DYM: variants seen among roughly 807,000 people sequenced by gnomAD.
DYM encodes the protein dyggve-Melchior-Clausen syndrome protein.
Under a neutral mutation model 93.1 loss-of-function variants are expected in DYM, and 78 were observed. The ratio of observed to expected loss-of-function variants is 0.84; its 90% CI spans 0.70 to 1.01. The LOEUF (loss-of-function observed/expected upper bound fraction) is 1.01. Ranked by LOEUF, DYM falls within the 50% of genes least tolerant of loss-of-function variation. The probability of loss-of-function intolerance (pLI) is 0.00; values close to 1 mark genes in which losing one functional copy is unlikely to be tolerated. For synonymous variants in DYM, 321 were observed against 319.7 expected, an observed-to-expected ratio of 1.00 and a Z score of -0.04; for missense variants, 789 against 845.0, an observed-to-expected ratio of 0.93 and a Z score of 0.82.
intron 10 of DYM, among the ~76,000 whole-genome samples, chr18:49,275,079 C>T (rs1402690227): frequency 6.6e-6 from 1 of 152,154 alleles, no homozygotes; most frequent in Non-Finnish European, 1.5e-5. Flanking sequence ...GATTTACCCC[C>T]ATTTCTTCTA....
chr18:49,404,086 C>A (rs1000788723), intron 2 of DYM, among the ~76,000 whole-genome samples: 1 of 152,100 alleles, frequency 6.6e-6, no homozygotes, highest in African/African-American at 2.4e-5. Context: ...CGGCTCACTG[C>A]AACCTCCGCC....
At chr18:49,331,148 G>C (rs1599477955) in intron 8 of DYM, among the ~76,000 whole-genome samples, 1 of 152,174 alleles carries the variant, frequency 6.6e-6, no homozygotes, top group African/African-American at 2.4e-5. Context: ...ACATGCTGCA[G>C]GTTTGGGAGG....
At chr18:49,326,435 G>C (rs1459954395) in intron 8 of DYM, among the ~76,000 whole-genome samples, 3 of 151,122 alleles carry the variant, frequency 2.0e-5, no homozygotes, top group African/African-American at 7.3e-5. Flanking sequence ...ACCACTTCCA[G>C]TGACTGAAGT....
At chr18:49,303,815 T>TACCAAC (rs2061100962) in intron 8 of DYM, among the ~76,000 whole-genome samples, 2 of 152,238 alleles carry the variant, frequency 1.3e-5, no homozygotes, top group Non-Finnish European at 2.9e-5. Context: ...TTAATATTAA[T>TACCAAC]TTACTAAATG....
rs1045365718 is a variant in DYM at position 49,047,180 on chromosome 18, C to T, written c.2026-2976G>A. ...GCTACCAGACTGTTATATAAATAGA[C>T]GCCAAGCTCTAGCACTACCTAGGCC... On this transcript the variant is annotated intron_variant, in intron 17 of 17. Transcript: ENST00000675505. Among the ~76,000 whole-genome samples, 7 of 152,294 alleles carry T rather than the reference C, an allele frequency of 4.6e-5. No individual in the cohort carries two copies. The South Asian group carries it at 6.2e-4, about 14-fold the overall frequency.
chr18:49,235,646 CCAGT>C (rs2093837058), intron 13 of DYM, among the ~76,000 whole-genome samples: 1 of 151,914 alleles, frequency 6.6e-6, no homozygotes, highest in Non-Finnish European at 1.5e-5. Context: ...AGTGTCTAGA[CCAGT>C]CAGGGTCAGT....
At chr18:49,233,014 T>A (rs1350463962) in intron 13 of DYM, among the ~76,000 whole-genome samples, 1 of 152,140 alleles carries the variant, frequency 6.6e-6, no homozygotes, top group African/African-American at 2.4e-5. Context: ...CAAAAATACA[T>A]GGATTGGTTA....
intron 8 of DYM, among the ~76,000 whole-genome samples, chr18:49,309,490 T>C (rs952186580): frequency 6.6e-6 from 1 of 151,740 alleles, no homozygotes; most frequent in Non-Finnish European, 1.5e-5. Context: ...AAATAATCAG[T>C]TGGGTGTTGT....
In DYM at chr18:49,139,408, G is replaced by A. The variant is rs2084211259; in HGVS notation, c.1729-20482C>T. ...TATTGACTTCTTACTCTTAAAAAAC[G>A]AGGCATTCCCTCTTCTAAATTAATT... On this transcript the variant is annotated intron_variant, in intron 15 of 17. Coordinates refer to ENST00000675505, the MANE Select transcript of DYM (RefSeq NM_001353214.3). Among the ~76,000 whole-genome samples the A allele has an allele frequency of 1.3e-5, 2 of 151,708 alleles. 1 individual carries two copies. Among genetic ancestry groups the A allele is most frequent in the South Asian group, 4.2e-4 (2 of 4,786 alleles).
chr18:49,454,781 G>A (rs113745598), intron 1 of DYM, among the ~76,000 whole-genome samples: 12,015 of 151,308 alleles, frequency 0.079, 753 homozygotes, highest in East Asian at 0.3. Context: ...TGTGGCCGGC[G>A]CCTGTAGTCC....
rs1250282067 is a variant in DYM at position 49,044,143 on chromosome 18, G to A, written c.2087C>T (p.Pro696Leu). 6.2e-7 allele frequency: 1 copy of A among 1,614,078 alleles called. No individual in the cohort carries two copies. The highest frequency in any genetic ancestry group is 1.7e-5 in the Admixed American group (1 of 60,020). Residue 696 changes from proline to leucine, a missense_variant, in exon 18 of 18, where the codon CCC (proline) becomes CTC (leucine). Pro to Leu is a moderately conservative substitution (Grantham distance 98, BLOSUM62 -3). This residue lies in a region of DYM where 114 missense variants were observed against 105.8 expected (regional missense o/e 1.08). Transcript: ENST00000675505. ...GTTGTAGACAAGAGACCAGACATAG[G>A]GGATAAAAAACTCCTCGGGCTGCTC... The part of the protein sequence containing the change: ...EEEQPEEFFI[P>L]YVWSLVYNSA...
intron 15 of DYM, among the ~76,000 whole-genome samples, chr18:49,145,137 T>TATATAAC (rs1366801569): frequency 1.7e-5 from 1 of 57,402 alleles, no homozygotes; most frequent in East Asian, 5.2e-4. Context: ...ATATATATAA[T>TATATAAC]TTATATATAT....
chr18:49,413,847 T>C (rs2072583437), intron 2 of DYM, among the ~76,000 whole-genome samples: 1 of 151,832 alleles, frequency 6.6e-6, no homozygotes, highest in Non-Finnish European at 1.5e-5. Context: ...CCGTCTCCAC[T>C]AAAAAATACA....
At chr18:49,419,795 AC>A (rs2073433338) in intron 2 of DYM, among the ~76,000 whole-genome samples, 1 of 152,230 alleles carries the variant, frequency 6.6e-6, no homozygotes, top group African/African-American at 2.4e-5. Flanking sequence ...AGTTAAGTCT[AC>A]TTTAGTATAT....
At chr18:49,334,619 G>A (rs141307626) in intron 6 of DYM, among the ~76,000 whole-genome samples, 82 of 152,008 alleles carry the variant, frequency 5.4e-4, no homozygotes, top group Non-Finnish European at 9.7e-4. Context: ...CCTCAACAAC[G>A]CAGTAAAAAG....
chr18:49,370,921 A>G (rs2066979150), intron 5 of DYM, among the ~76,000 whole-genome samples: 1 of 152,188 alleles, frequency 6.6e-6, no homozygotes, highest in Admixed American at 6.5e-5. Context: ...AAGGACTCCA[A>G]CCCTATAACC....
chr18:49,335,178 G>A (rs1220804327), intron 6 of DYM, among the ~76,000 whole-genome samples: 1 of 152,118 alleles, frequency 6.6e-6, no homozygotes. Flanking sequence ...AAACACAAGA[G>A]ACCCACGCAA....
chr18:49,073,983 T>A (rs535485208), intron 17 of DYM, among the ~76,000 whole-genome samples: 7 of 152,308 alleles, frequency 4.6e-5, no homozygotes, highest in African/African-American at 1.7e-4. Context: ...AACGTTAAGA[T>A]GGAAGGGAAA....
At chr18:49,427,856 G>A (rs1398517266) in intron 2 of DYM, among the ~76,000 whole-genome samples, 2 of 152,244 alleles carry the variant, frequency 1.3e-5, no homozygotes, top group Non-Finnish European at 2.9e-5. Context: ...GGCAGAGGCA[G>A]GAGGATCACT....
Sources: gnomAD v4.1 joint callset for allele counts (sites outside exome capture counted in the v4.1 genomes callset) on GRCh38, gnomAD v4.1.1 for gene constraint, gnomAD v4.1.1 regional missense constraint, MANE v1.5 for transcripts, NCBI Gene and HGNC (gene_info 2026-07-23, HGNC 2026-07-21) for gene names.